The following LIN7A variants were observed in gnomAD, a reference collection of about 807,000 sequenced individuals.
LIN7A encodes the protein lin-7 cell polarity scaffold A, also known as protein lin-7 homolog A.
A neutral mutation model predicts 29.8 loss-of-function variants in LIN7A; 25 were observed. The ratio of observed to expected loss-of-function variants is 0.84; its 90% CI spans 0.61 to 1.17. The LOEUF (loss-of-function observed/expected upper bound fraction) is 1.17. LIN7A is among the 50% of genes most tolerant of loss of function. LIN7A has a pLI of 0.00. For synonymous variants in LIN7A, 118 were observed against 107.5 expected, an observed-to-expected ratio of 1.10 and a Z score of -0.60; for missense variants, 239 against 287.0, an observed-to-expected ratio of 0.83 and a Z score of 1.21.
chr12:80,801,543 T>A (rs1043160991), intron 5 of LIN7A, among the ~76,000 whole-genome samples: 1 of 152,202 alleles, frequency 6.6e-6, no homozygotes, highest in Non-Finnish European at 1.5e-5. Flanking sequence ...TATACATTTG[T>A]GATGTACAAA....
At chr12:80,860,862 T>C (rs956573661) in intron 2 of LIN7A, 3 of 152,214 alleles carry the variant, frequency 2.0e-5, no homozygotes, top group African/African-American at 4.8e-5. Flanking sequence ...TTGCATTAAG[T>C]TTCTTTTGAA....
intron 2 of LIN7A, among the ~76,000 whole-genome samples, chr12:80,883,113 T>G (rs1160520246): frequency 6.6e-6 from 1 of 152,066 alleles, no homozygotes; most frequent in Non-Finnish European, 1.5e-5. Flanking sequence ...TTTTTCCTTC[T>G]TCTGTTTTTC....
At chr12:80,860,820 G>A (rs1873834784) in intron 2 of LIN7A, 2 of 152,134 alleles carry the variant, frequency 1.3e-5, no homozygotes, top group Non-Finnish European at 2.9e-5. Flanking sequence ...GTAGATCTTT[G>A]ATTGTGGAAA....
intron 1 of LIN7A, among the ~76,000 whole-genome samples, chr12:80,892,474 G>T (rs1019589363): frequency 1.4e-4 from 21 of 152,008 alleles, no homozygotes; most frequent in African/African-American, 4.8e-4. Flanking sequence ...AAATCTGCAG[G>T]CTGAAGAGAA....
chr12:80,891,050 A>C (rs149933605), intron 1 of LIN7A, among the ~76,000 whole-genome samples: 2 of 152,090 alleles, frequency 1.3e-5, no homozygotes, highest in Non-Finnish European at 2.9e-5. Flanking sequence ...CCTCTCAAGC[A>C]AAACTATGGT....
intron 2 of LIN7A, among the ~76,000 whole-genome samples, chr12:80,887,488 G>A (rs775066286): frequency 7.2e-5 from 11 of 152,086 alleles, no homozygotes; most frequent in Non-Finnish European, 1.6e-4. Flanking sequence ...TACCTCTATG[G>A]AGCCTACCTT....
intron 2 of LIN7A, among the ~76,000 whole-genome samples, chr12:80,885,086 T>C (rs1302588958): frequency 1.3e-5 from 2 of 152,186 alleles, no homozygotes; most frequent in African/African-American, 2.4e-5. Context: ...CCTTAAAATA[T>C]GATCACTTAT....
At chr12:80,802,122 T>C (rs1215116282) in intron 5 of LIN7A, among the ~76,000 whole-genome samples, 4 of 152,148 alleles carry the variant, frequency 2.6e-5, no homozygotes, top group Non-Finnish European at 5.9e-5. Context: ...CTCAAACTCC[T>C]GACCTCGTGA....
At chr12:80,808,067 A>G (rs908742632) in intron 5 of LIN7A, among the ~76,000 whole-genome samples, 3 of 152,180 alleles carry the variant, frequency 2.0e-5, no homozygotes. Context: ...TATTGACCCC[A>G]TAGCCACCAC....
chr12:80,883,382 G>T (rs1875167222), intron 2 of LIN7A, among the ~76,000 whole-genome samples: 1 of 152,142 alleles, frequency 6.6e-6, no homozygotes, highest in Non-Finnish European at 1.5e-5. Context: ...AAAGCATCAA[G>T]AACAAAAACT....
At chr12:80,922,318 G>A (rs1877358327) in intron 1 of LIN7A, among the ~76,000 whole-genome samples, 1 of 152,186 alleles carries the variant, frequency 6.6e-6, no homozygotes. Context: ...TTAAAGGGAT[G>A]TCAAGATTCT....
chr12:80,927,943 T>G (rs1877694139), intron 1 of LIN7A, among the ~76,000 whole-genome samples: 1 of 151,656 alleles, frequency 6.6e-6, no homozygotes. Context: ...CATCTATGAG[T>G]GAGAATATGC....
chr12:80,893,875 T>TATA (rs1362548581), intron 1 of LIN7A, among the ~76,000 whole-genome samples: 4 of 152,124 alleles, frequency 2.6e-5, no homozygotes, highest in African/African-American at 9.7e-5. Flanking sequence ...AGTCTTGCAG[T>TATA]ATAATGTCAG....
rs575647062 is a variant in LIN7A at position 80,891,881 on chromosome 12, C to T, written c.83-2512G>A. Among the ~76,000 whole-genome samples, 17 of 152,156 alleles carry T rather than the reference C, an allele frequency of 1.1e-4. No homozygotes were observed. In the East Asian group the frequency reaches 1.9e-3, roughly 17 times the overall value. On this transcript the variant is annotated intron_variant, in intron 1 of 5. Coordinates refer to ENST00000552864, the MANE Select transcript of LIN7A (RefSeq NM_004664.4). ...GTGGGATATTCAAAGAAATAAAAGG[C>T]GTTTATTATAGCTGAAGCTGAAAAC...
At chr12:80,896,621 A>G (rs1592932931) in intron 1 of LIN7A, among the ~76,000 whole-genome samples, 1 of 152,200 alleles carries the variant, frequency 6.6e-6, no homozygotes, top group African/African-American at 2.4e-5. Context: ...TAATTGGCAA[A>G]CCCAAAGAAG....
chr12:80,891,023 C>T (rs954621129), intron 1 of LIN7A, among the ~76,000 whole-genome samples: 3 of 152,004 alleles, frequency 2.0e-5, no homozygotes, highest in Non-Finnish European at 4.4e-5. Context: ...AAAAATTTCT[C>T]CCCCCAAACA....
At chr12:80,869,880 C>T (rs1332332566) in intron 2 of LIN7A, among the ~76,000 whole-genome samples, 1 of 151,736 alleles carries the variant, frequency 6.6e-6, no homozygotes, top group Non-Finnish European at 1.5e-5. Context: ...TGCATGGAAA[C>T]CTATCATACA....
At chr12:80,824,235 A>G (rs1293441380) in intron 4 of LIN7A, among the ~76,000 whole-genome samples, 1 of 152,194 alleles carries the variant, frequency 6.6e-6, no homozygotes, top group Non-Finnish European at 1.5e-5. Flanking sequence ...TACTGTGAAC[A>G]CCTTTATACA....
intron 1 of LIN7A, among the ~76,000 whole-genome samples, chr12:80,923,847 CT>C (rs1440555771): frequency 6.6e-6 from 1 of 152,178 alleles, no homozygotes; most frequent in Non-Finnish European, 1.5e-5. Context: ...TGTTTAGCCT[CT>C]TTATGCCTCA....
Sources: allele counts gnomAD v4.1 joint callset (sites outside exome capture counted in the v4.1 genomes callset), GRCh38; gene constraint gnomAD v4.1.1; transcripts MANE v1.5; gene names NCBI Gene and HGNC (gene_info 2026-07-23, HGNC 2026-07-21).